Variants in ZNF444 observed in about 807,000 individuals in gnomAD.
The protein encoded by ZNF444 is endothelial zinc finger protein 2.
In ZNF444, 8 loss-of-function variants were observed where a neutral mutation model predicts 14.4. That is an observed-to-expected ratio of 0.56 (90% CI 0.33 to 1.00). ZNF444 has a LOEUF of 1.00. Among genes scored for constraint, ZNF444 ranks in the 50% least tolerant of loss-of-function variants. The pLI is 0.03. For missense variants in ZNF444, 510 were observed against 504.8 expected (o/e 1.01, Z -0.10); for synonymous variants, 258 against 235.9 (o/e 1.09, Z -0.86).
rs1448731659 is a variant in ZNF444, at chr19:56,159,897, A to G, written c.680A>G (p.Asp227Gly). ...AAGGAGCACCTGCGGCGCCACCGCG[A>G]CACGCACCCCGGCAGCCCCGGCAGC... ...RRKEHLRRHRDTHPGSPGSPG... is the reference protein window; with the variant it reads ...RRKEHLRRHRGTHPGSPGSPG... Residue 227 changes from aspartate to glycine, a missense_variant, in exon 5 of 5, where the codon GAC becomes GGC. By Grantham distance (94) the Asp-to-Gly change is moderately conservative. Coordinates refer to ENST00000337080, the MANE Select transcript of ZNF444 (RefSeq NM_018337.4). 5 of 1,519,374 alleles carry G rather than the reference A, an allele frequency of 3.3e-6. No homozygotes were observed. In the African/African-American group the frequency reaches 5.8e-5, roughly 18 times the overall value. 94.1% of individuals were successfully genotyped at this position (1,519,374 alleles called of 1,614,324 possible).
At chr19:56,138,597 G>A (rs184011281), upstream of ZNF444, among the ~76,000 whole-genome samples, 5 of 152,224 alleles carry the variant, frequency 3.3e-5, no homozygotes, top group Non-Finnish European at 7.4e-5. Flanking sequence ...TGAGCCACTG[G>A]ACTCCAGTCT....
chr19:56,150,386 C>T (rs1206401324), intron 3 of ZNF444: 5 of 296,130 alleles, frequency 1.7e-5, no homozygotes, highest in Non-Finnish European at 3.3e-5. Flanking sequence ...TCCAGGCCGT[C>T]GGGACTCTCC....
intron 1 of ZNF444, 151 bp from the exon 2 acceptor site, chr19:56,146,096 G>A (rs1279524358): frequency 6.6e-6 from 1 of 152,294 alleles, no homozygotes; most frequent in Non-Finnish European, 1.5e-5. Flanking sequence ...ACAGCAGTTA[G>A]TTGGGGTGGC....
intron 3 of ZNF444, chr19:56,155,628 C>T (rs1172256369): frequency 6.6e-6 from 1 of 152,480 alleles, no homozygotes; most frequent in Non-Finnish European, 1.5e-5. Context: ...TCCACGCAGC[C>T]TGCAGGGTCC....
At position 56,160,085 on chromosome 19, in the gene ZNF444, C is replaced by T; in HGVS notation, c.868C>T (p.Arg290Cys). ...CWECGKGFGRREHVLRHQRIH... is the reference protein window; with the variant it reads ...CWECGKGFGRCEHVLRHQRIH... ...GGAGTGTGGCAAGGGCTTCGGGCGC[C>T]GCGAGCACGTGCTGCGCCACCAGCG... The change falls in exon 5 of 5, where the codon CGC becomes TGC. Residue 290 changes from arginine (R) to cysteine (C), a missense_variant. Coordinates refer to ENST00000337080, the MANE Select transcript of ZNF444 (RefSeq NM_018337.4). 4.7e-6 allele frequency: 7 copies of T among 1,499,940 alleles called. No homozygotes were observed. The highest frequency in any genetic ancestry group is 6.2e-6 in the Non-Finnish European group (7 of 1,129,870). 92.9% of individuals were successfully genotyped at this position (1,499,940 alleles called of 1,614,324 possible).
At chr19:56,152,008 A>G (rs1263551334) in intron 3 of ZNF444, 3 of 432,336 alleles carry the variant, frequency 6.9e-6, no homozygotes, top group Non-Finnish European at 1.4e-5. Flanking sequence ...GTACTGGTAG[A>G]AAGCAGTAGA....
chr19:56,135,748 G>A (rs2030595334), intron 1 of ZNF444, among the ~76,000 whole-genome samples: 1 of 151,658 alleles, frequency 6.6e-6, no homozygotes, highest in Admixed American at 6.6e-5. Context: ...TTGCTGGCAA[G>A]GAGAAGGGGC....
At chr19:56,135,476 C>T (rs1230564284) in intron 1 of ZNF444, among the ~76,000 whole-genome samples, 1 of 152,032 alleles carries the variant, frequency 6.6e-6, no homozygotes, top group Non-Finnish European at 1.5e-5. Flanking sequence ...GCTGCCAAAC[C>T]ATGCCATGAA....
At chr19:56,159,561 G>A in intron 4 of ZNF444, 63 bp from the exon 5 acceptor site, 1 of 1,368,700 alleles carries the variant, frequency 7.3e-7, no homozygotes, top group Non-Finnish European at 9.5e-7. Flanking sequence ...CTCCACCCCA[G>A]CCTGTGCTGT....
chr19:56,154,788 G>A (rs1024121515), intron 3 of ZNF444: 1 of 151,970 alleles, frequency 6.6e-6, no homozygotes, highest in East Asian at 1.9e-4. Flanking sequence ...AACATCAGCA[G>A]CTTGATCCCA....
intron 3 of ZNF444, among the ~76,000 whole-genome samples, chr19:56,149,474 CTTAT>C (rs764968102): frequency 6.0e-4 from 91 of 152,120 alleles, no homozygotes; most frequent in Admixed American, 1.6e-3. Context: ...CCTGTGGTCA[CTTAT>C]TTATTTATTT....
At chr19:56,159,334 CGG>C (rs1568565633) in intron 4 of ZNF444, among the ~76,000 whole-genome samples, 28 of 151,674 alleles carry the variant, frequency 1.8e-4, no homozygotes, top group Admixed American at 1.8e-3. Flanking sequence ...CATCCATCAT[CGG>C]TCCATTCATC....
rs1211776623 is a variant in ZNF444 at position 56,145,414 on chromosome 19, C to T, written c.-196-833C>T. Reference sequence around the variant, plus strand: ...CAGTCTGGCCAACCTGGCGAAACCCCGTCTCTACTAAAAATACAAAAATTA... The same window carrying T: ...CAGTCTGGCCAACCTGGCGAAACCCTGTCTCTACTAAAAATACAAAAATTA... On this transcript the variant is annotated intron_variant, in intron 1 of 4. Coordinates refer to ENST00000337080, the MANE Select transcript of ZNF444 (RefSeq NM_018337.4). The surrounding 1 kb of genome is among the most constrained non-coding windows in gnomAD (Gnocchi z 4.3). 2.0e-5 allele frequency among the ~76,000 whole-genome samples: 3 copies of T among 152,108 alleles called. No homozygotes were observed. Among genetic ancestry groups the T allele is most frequent in the Non-Finnish European group, 2.9e-5 (2 of 68,020 alleles).
chr19:56,159,338 C>A (rs569296841), intron 4 of ZNF444, among the ~76,000 whole-genome samples: 28 of 151,988 alleles, frequency 1.8e-4, no homozygotes, highest in Admixed American at 1.8e-3. Flanking sequence ...CATCATCGGT[C>A]CATTCATCAC....
chr19:56,149,514 T>C (rs956004291), intron 3 of ZNF444, among the ~76,000 whole-genome samples: 2 of 152,222 alleles, frequency 1.3e-5, no homozygotes, highest in African/African-American at 2.4e-5. Flanking sequence ...AGTTCTGGGA[T>C]ACATGTGCTG....
chr19:56,143,668 G>T (rs929677772), intron 1 of ZNF444: 1 of 152,236 alleles, frequency 6.6e-6, no homozygotes. Context: ...AGCCTGTAAA[G>T]TTTATTTGAG....
In ZNF444 at chr19:56,147,173, G is replaced by T; in HGVS notation, c.262G>T (p.Gly88Trp). Reference protein sequence around the residue: ...AWVCSRQPQSGEEAVALLEEL... With the variant: ...AWVCSRQPQSWEEAVALLEEL... ...GGTGTGCAGCCGGCAGCCGCAGAGC[G>T]GGGAGGAGGCGGTGGCCCTGCTGGA... The change falls in exon 3 of 5, where the codon GGG becomes TGG. Residue 88 changes from glycine to tryptophan, a missense_variant. Gly to Trp is a radical substitution (Grantham distance 184). Coordinates refer to ENST00000337080, the MANE Select transcript of ZNF444 (RefSeq NM_018337.4). This position sits in a 1 kb window ranked among gnomAD's most constrained non-coding sequence, Gnocchi z 5.9. The T allele has an allele frequency of 6.7e-7, 1 of 1,485,576 alleles. No homozygotes were observed. The highest frequency in any genetic ancestry group is 2.7e-5 in the East Asian group (1 of 37,698). 92.0% of individuals were successfully genotyped at this position (1,485,576 alleles called of 1,614,324 possible). A position where few individuals can be genotyped will look rare whatever the true frequency, so the allele number is the denominator to read the frequency against.
chr19:56,141,630 C>CGGGGGAGGGGCGCCTGGGGGA (rs1445145256), intron 1 of ZNF444: 1 of 38,878 alleles, frequency 2.6e-5, no homozygotes, highest in Non-Finnish European at 6.0e-5. Flanking sequence ...AGGGAGAGGA[C>CGGGGGAGGGGCGCCTGGGGGA]GGGGGAGGGG....
chr19:56,160,146 C>T lies in ZNF444; in HGVS notation c.929C>T (p.Ala310Val), dbSNP rs1568568427. 2.0e-6 allele frequency: 3 copies of T among 1,482,502 alleles called. No homozygotes were observed. The highest frequency in any genetic ancestry group is 2.8e-5 in the East Asian group (1 of 36,240). 91.8% of individuals were successfully genotyped at this position (1,482,502 alleles called of 1,614,324 possible). ...CGGGCAGCGGCCAGCGCGCAGGGGG[C>T]GGTAGCTCCGGGCCCGGATGGTGGA... Reference protein sequence around the residue: ...HGRAAASAQGAVAPGPDGGGP... With the variant: ...HGRAAASAQGVVAPGPDGGGP... The change falls in exon 5 of 5, where the codon GCG becomes GTG. Residue 310 changes from alanine to valine, a missense_variant. Coordinates refer to ENST00000337080, the MANE Select transcript of ZNF444 (RefSeq NM_018337.4).
Sources: gnomAD v4.1 joint callset for allele counts (sites outside exome capture counted in the v4.1 genomes callset) on GRCh38, gnomAD v4.1.1 for gene constraint, Gnocchi (gnomAD v3.1) non-coding constraint, MANE v1.5 for transcripts, NCBI Gene and HGNC (gene_info 2026-07-23, HGNC 2026-07-21) for gene names.